KCNAB1: variants seen among roughly 807,000 people sequenced by gnomAD.
KCNAB1 encodes the protein voltage-gated potassium channel subunit beta-1.
Under a neutral mutation model 64.6 loss-of-function variants are expected in KCNAB1, and 35 were observed. The observed-to-expected ratio is 0.54, with a 90% CI of 0.41 to 0.72. KCNAB1 has a LOEUF of 0.72. KCNAB1 is among the 30% of genes least tolerant of loss of function. KCNAB1 has a pLI of 0.00. For synonymous variants in KCNAB1, 177 were observed against 183.8 expected (o/e 0.96, Z 0.30); for missense variants, 401 against 512.9 (o/e 0.78, Z 2.11).
intron 1 of KCNAB1, among the ~76,000 whole-genome samples, chr3:156,339,746 T>A (rs1453573658): frequency 6.6e-6 from 1 of 152,208 alleles, no homozygotes; most frequent in Non-Finnish European, 1.5e-5. Context: ...CCATTGCACA[T>A]CTGTGACCTG....
intron 1 of KCNAB1, among the ~76,000 whole-genome samples, chr3:156,270,963 A>G (rs1719004573): frequency 6.6e-6 from 1 of 152,194 alleles, no homozygotes; most frequent in Admixed American, 6.5e-5. Context: ...ATACTATTTT[A>G]GGATAAAAGT....
At chr3:156,460,085 CAA>C in intron 5 of KCNAB1, 2 of 500,216 alleles carry the variant, frequency 4.0e-6, no homozygotes, top group East Asian at 3.3e-5. Context: ...AATGAATTAC[CAA>C]AGAGTTGAGC....
chr3:156,435,769 TA>T (rs1716544030), intron 2 of KCNAB1, among the ~76,000 whole-genome samples: 1 of 152,162 alleles, frequency 6.6e-6, no homozygotes, highest in Non-Finnish European at 1.5e-5. Context: ...CATATATAGA[TA>T]TATTTGGAAT....
intron 1 of KCNAB1, among the ~76,000 whole-genome samples, chr3:156,248,039 C>T (rs1194859861): frequency 6.6e-6 from 1 of 152,156 alleles, no homozygotes; most frequent in Admixed American, 6.5e-5. Context: ...GGCCATTTCT[C>T]CAGTTCTTTT....
intron 1 of KCNAB1, among the ~76,000 whole-genome samples, chr3:156,354,045 A>ATG (rs1305004508): frequency 4.3e-5 from 5 of 117,322 alleles, no homozygotes; most frequent in East Asian, 2.1e-4. Context: ...GTGTGTATAT[A>ATG]TATGTGTGTG....
At chr3:156,196,210 T>C (rs1487668334) in intron 1 of KCNAB1, among the ~76,000 whole-genome samples, 1 of 151,224 alleles carries the variant, frequency 6.6e-6, no homozygotes. Flanking sequence ...TTGTTACGGT[T>C]GCCATGTAGT....
chr3:156,153,186 C>T (rs1340762821), intron 1 of KCNAB1, among the ~76,000 whole-genome samples: 1 of 152,186 alleles, frequency 6.6e-6, no homozygotes, highest in Non-Finnish European at 1.5e-5. Context: ...CAGGGCACCA[C>T]TTCACCAGGA....
chr3:156,522,164 A>G (rs906449670), intron 11 of KCNAB1, among the ~76,000 whole-genome samples: 16 of 151,036 alleles, frequency 1.1e-4, no homozygotes, highest in African/African-American at 3.2e-4. Flanking sequence ...ATATACTGAA[A>G]CTCAGAAATT....
At chr3:156,440,165 A>T (rs1484124758) in intron 2 of KCNAB1, among the ~76,000 whole-genome samples, 2 of 152,200 alleles carry the variant, frequency 1.3e-5, no homozygotes, top group Non-Finnish European at 2.9e-5. Context: ...TCATCCTGAG[A>T]TGTTGTTAAT....
intron 1 of KCNAB1, among the ~76,000 whole-genome samples, chr3:156,277,296 T>C (rs557176390): frequency 2.1e-4 from 32 of 152,230 alleles, no homozygotes; most frequent in Admixed American, 1.6e-3. Context: ...CCATAACAGA[T>C]GTAATAATAG....
intron 1 of KCNAB1, among the ~76,000 whole-genome samples, chr3:156,311,186 A>G (rs1721875478): frequency 6.6e-6 from 1 of 152,202 alleles, no homozygotes; most frequent in Non-Finnish European, 1.5e-5. Flanking sequence ...AGCAGGGCTG[A>G]ATCTTAGAAC....
At chr3:156,281,943 G>A (rs1446590361) in intron 1 of KCNAB1, among the ~76,000 whole-genome samples, 1 of 148,852 alleles carries the variant, frequency 6.7e-6, no homozygotes, top group African/African-American at 2.5e-5. Context: ...TTTTTTGAAG[G>A]GTTTTTTGTG....
intron 1 of KCNAB1, among the ~76,000 whole-genome samples, chr3:156,326,414 GC>G (rs1437479113): frequency 6.6e-6 from 1 of 152,080 alleles, no homozygotes; most frequent in Non-Finnish European, 1.5e-5. Flanking sequence ...GATGTCTCAG[GC>G]CTGTAGGGAG....
intron 1 of KCNAB1, among the ~76,000 whole-genome samples, chr3:156,242,789 G>GTTT (rs76800600): frequency 7.8e-6 from 1 of 128,200 alleles, no homozygotes; most frequent in Non-Finnish European, 1.7e-5. Context: ...ATTTTTTCAA[G>GTTT]TTTTTTTTTT....
rs200722110 is a variant in KCNAB1 at position 156,463,856 on chromosome 3, GT to G, written c.527+116del. On this transcript the variant is annotated intron_variant, in intron 6 of 13. Coordinates refer to ENST00000490337, the MANE Select transcript of KCNAB1 (RefSeq NM_172160.3). ...CAAAATTAATTGGCTTAGAGAGAGG[GT>G]TTTTTGTTTTTTTTTTGTTTTTTTC... 5.6e-6 allele frequency: 4 copies of G among 720,026 alleles called. No homozygotes were observed. The South Asian group carries it at 7.0e-5, about 13-fold the overall frequency. 44.6% of individuals were successfully genotyped at this position (720,026 alleles called of 1,614,324 possible). A position where few individuals can be genotyped will look rare whatever the true frequency, so the allele number is the denominator to read the frequency against.
intron 1 of KCNAB1, among the ~76,000 whole-genome samples, chr3:156,356,205 G>A (rs1179545732): frequency 7.0e-6 from 1 of 142,888 alleles, no homozygotes; most frequent in African/African-American, 2.9e-5. Context: ...AAAGAAAGAA[G>A]AGAAATGTGA....
intron 1 of KCNAB1, among the ~76,000 whole-genome samples, chr3:156,122,701 T>C (rs961544863): frequency 6.6e-6 from 1 of 152,210 alleles, no homozygotes; most frequent in African/African-American, 2.4e-5. Flanking sequence ...AGTGAAGATA[T>C]GTCCACCTTA....
intron 1 of KCNAB1, among the ~76,000 whole-genome samples, chr3:156,402,164 A>G (rs1357002250): frequency 6.6e-6 from 1 of 150,770 alleles, no homozygotes; most frequent in African/African-American, 2.4e-5. Context: ...AAAAAAAAAG[A>G]GAGAAAAGAA....
At chr3:156,500,054 C>T (rs915575947) in intron 8 of KCNAB1, among the ~76,000 whole-genome samples, 3 of 152,184 alleles carry the variant, frequency 2.0e-5, no homozygotes, top group Non-Finnish European at 4.4e-5. Flanking sequence ...TCCTTGGTTG[C>T]AAGGTAGGCT....
Sources: gnomAD v4.1 joint callset for allele counts (sites outside exome capture counted in the v4.1 genomes callset) on GRCh38, gnomAD v4.1.1 for gene constraint, MANE v1.5 for transcripts, NCBI Gene and HGNC (gene_info 2026-07-23, HGNC 2026-07-21) for gene names.